The following MYO1D variants were observed in gnomAD, a reference collection of about 807,000 sequenced individuals.
MYO1D encodes the protein myosin ID, also known as unconventional myosin-Id.
In MYO1D, 83 loss-of-function variants were observed where a neutral mutation model predicts 122.0. The observed-to-expected ratio is 0.68, with a 90% confidence interval of 0.57 to 0.82. The LOEUF (loss-of-function observed/expected upper bound fraction) is 0.82. Ranked by LOEUF, MYO1D falls within the 40% of genes least tolerant of loss-of-function variation. The pLI is 0.00. For synonymous variants in MYO1D, 464 were observed against 446.9 expected, an observed-to-expected ratio of 1.04 and a Z score of -0.48; for missense variants, 1,157 against 1,269.5, an observed-to-expected ratio of 0.91 and a Z score of 1.35.
intron 14 of MYO1D, among the ~76,000 whole-genome samples, chr17:32,729,829 C>T (rs1185722821): frequency 6.6e-6 from 1 of 152,048 alleles, no homozygotes; most frequent in Non-Finnish European, 1.5e-5. Flanking sequence ...GGTGAATGGA[C>T]GACAGCCCAA....
chr17:32,524,759 C>T (rs1235240014), intron 21 of MYO1D, among the ~76,000 whole-genome samples: 1 of 152,266 alleles, frequency 6.6e-6, no homozygotes, highest in East Asian at 1.9e-4. Flanking sequence ...GATGGGGTTT[C>T]ACCATGTTGG....
chr17:32,864,239 C>T (rs1339606011), intron 1 of MYO1D, among the ~76,000 whole-genome samples: 2 of 151,802 alleles, frequency 1.3e-5, no homozygotes, highest in Non-Finnish European at 2.9e-5. Flanking sequence ...TACCTGTAAT[C>T]CAAGACTGCT....
chr17:32,584,321 C>T (rs112925668), intron 21 of MYO1D, among the ~76,000 whole-genome samples: 3 of 152,202 alleles, frequency 2.0e-5, no homozygotes, highest in African/African-American at 7.2e-5. Flanking sequence ...GTCTTTGCAT[C>T]CTTGTGTCTA....
At chr17:32,857,441 T>C (rs1256535757) in intron 1 of MYO1D, among the ~76,000 whole-genome samples, 1 of 151,938 alleles carries the variant, frequency 6.6e-6, no homozygotes, top group Non-Finnish European at 1.5e-5. Context: ...AAAAATTAGC[T>C]GGGCGTGGTG....
chr17:32,797,571 G>A (rs898279632), intron 1 of MYO1D, among the ~76,000 whole-genome samples: 7 of 151,980 alleles, frequency 4.6e-5, no homozygotes, highest in African/African-American at 1.7e-4. Flanking sequence ...TTTTATTATT[G>A]CTGTTAATCT....
intron 21 of MYO1D, among the ~76,000 whole-genome samples, chr17:32,592,434 T>C (rs992086764): frequency 2.6e-5 from 4 of 152,254 alleles, no homozygotes; most frequent in African/African-American, 9.6e-5. Context: ...AATGTTGTTG[T>C]GTAGAGTTAT....
At position 32,876,783 on chromosome 17, in the gene MYO1D, C is replaced by T; in HGVS notation, c.90G>A (p.Arg30=). ...VSMPEFMANL[R]LRFEKGRIYT... ...CGCGGCCGCTCCGCCCTCACCTGAGCCTGAGGTTGGCCATGAACTCGGGCA... is the reference window on the plus strand; with the variant it reads ...CGCGGCCGCTCCGCCCTCACCTGAGTCTGAGGTTGGCCATGAACTCGGGCA... Residue 30 remains arginine, a synonymous_variant, in exon 1 of 22, where the codon AGG becomes AGA. Transcript: ENST00000318217. 2 of 1,512,068 alleles carry T rather than the reference C, an allele frequency of 1.3e-6. No individual in the cohort carries two copies. The highest frequency in any genetic ancestry group is 1.3e-5 in the South Asian group (1 of 79,904). The allele number at this position is 1,512,068 out of a possible 1,614,324, so 93.7% of individuals were successfully genotyped here. A position where few individuals can be genotyped will look rare whatever the true frequency, so the allele number is the denominator to read the frequency against.
At chr17:32,817,849 G>A (rs1419614556) in intron 1 of MYO1D, among the ~76,000 whole-genome samples, 3 of 152,042 alleles carry the variant, frequency 2.0e-5, no homozygotes, top group African/African-American at 4.8e-5. Flanking sequence ...AGTAGGGGCC[G>A]GGCGCGGTGG....
At chr17:32,747,915 A>C (rs1363797146) in intron 12 of MYO1D, among the ~76,000 whole-genome samples, 2 of 152,108 alleles carry the variant, frequency 1.3e-5, no homozygotes, top group South Asian at 2.1e-4. Flanking sequence ...ATGTGACTGG[A>C]GTGATGCAGC....
intron 1 of MYO1D, among the ~76,000 whole-genome samples, chr17:32,831,550 A>T (rs1390692564): frequency 1.3e-5 from 2 of 152,222 alleles, no homozygotes; most frequent in African/African-American, 2.4e-5. Context: ...GGCTTCCACT[A>T]ATTTGTTTTT....
At chr17:32,552,456 CCATCCATT>C (rs1190227681) in intron 21 of MYO1D, among the ~76,000 whole-genome samples, 2 of 151,962 alleles carry the variant, frequency 1.3e-5, no homozygotes, top group Non-Finnish European at 1.5e-5. Flanking sequence ...ATCCATCCAT[CCATCCATT>C]CATCCATCCC....
chr17:32,792,292 ACTT>A (rs2090360484), intron 1 of MYO1D, among the ~76,000 whole-genome samples: 1 of 152,222 alleles, frequency 6.6e-6, no homozygotes, highest in Non-Finnish European at 1.5e-5. Context: ...ACCAATTTAA[ACTT>A]CTGCTTATAA....
chr17:32,751,149 C>T (rs931803151), intron 11 of MYO1D, among the ~76,000 whole-genome samples: 7 of 151,814 alleles, frequency 4.6e-5, no homozygotes, highest in African/African-American at 1.7e-4. Context: ...TAATTTTATG[C>T]TTTATTGGAT....
chr17:32,764,879 T>C lies in MYO1D; in HGVS notation c.1034A>G (p.Lys345Arg). ...EASYGRDAFA[K>R]AIYERLFCWI... is the part of the protein sequence containing the mutation. The stretch of plus-strand genomic sequence containing the variant: ...ACATAGGGTCAGTTACACTCTCACC[T>C]TGGCAAAGGCGTCTCTGCCGTAGCT... The change falls in exon 8 of 22, where the codon AAG becomes AGG. Residue 345 changes from lysine (K) to arginine (R), a missense_variant and splice_region_variant. Transcript: ENST00000318217. The C allele has an allele frequency of 6.2e-7, 1 of 1,614,002 alleles. No individual in the cohort carries two copies. Among genetic ancestry groups the C allele is most frequent in the South Asian group, 1.1e-5 (1 of 91,070 alleles).
At chr17:32,728,901 C>T (rs528433793) in intron 14 of MYO1D, among the ~76,000 whole-genome samples, 2 of 152,306 alleles carry the variant, frequency 1.3e-5, no homozygotes, top group South Asian at 4.2e-4. Flanking sequence ...TAACAACCAA[C>T]TAAGAAATGG....
rs910239001 is a variant in MYO1D, at chr17:32,780,665, T to C, written c.215A>G (p.Tyr72Cys). 7.4e-6 allele frequency: 12 copies of C among 1,614,184 alleles called. No homozygotes were observed. Among genetic ancestry groups the C allele is most frequent in the Non-Finnish European group, 8.5e-6 (10 of 1,180,040 alleles). Reference protein sequence around the residue: ...TIEQYKGRELYERPPHLFAIA... With the variant: ...TIEQYKGRELCERPPHLFAIA... Reference sequence around the variant, plus strand: ...AGCAAAAAGGTGAGGCGGTCTCTCATACAGCTCACGGCCTTTATACTGCTC... The same window carrying C: ...AGCAAAAAGGTGAGGCGGTCTCTCACACAGCTCACGGCCTTTATACTGCTC... The change falls in exon 2 of 22, where the codon TAT (tyrosine) becomes TGT (cysteine). Residue 72 changes from tyrosine to cysteine, a missense_variant. By Grantham distance (194) the Tyr-to-Cys change is radical (BLOSUM62 -2). Transcript: ENST00000318217.
chr17:32,711,028 C>T (rs2089369716), intron 16 of MYO1D, among the ~76,000 whole-genome samples: 1 of 152,064 alleles, frequency 6.6e-6, no homozygotes, highest in Non-Finnish European at 1.5e-5. Flanking sequence ...ATACACATGC[C>T]CTATGACCCA....
chr17:32,561,111 C>T (rs919158318), intron 21 of MYO1D, among the ~76,000 whole-genome samples: 2 of 151,748 alleles, frequency 1.3e-5, no homozygotes, highest in Non-Finnish European at 2.9e-5. Flanking sequence ...AGGGTTTCAC[C>T]ATGTTGGCCA....
chr17:32,515,808 A>G (rs57888373), intron 21 of MYO1D, among the ~76,000 whole-genome samples: 1 of 152,158 alleles, frequency 6.6e-6, no homozygotes, highest in Non-Finnish European at 1.5e-5. Context: ...CTATCTCATA[A>G]ACCAAGCCCA....
Sources: allele counts gnomAD v4.1 joint callset (sites outside exome capture counted in the v4.1 genomes callset), GRCh38; gene constraint gnomAD v4.1.1; transcripts MANE v1.5; gene names NCBI Gene and HGNC (gene_info 2026-07-23, HGNC 2026-07-21).